Variants in IL17RC observed in about 807,000 individuals in gnomAD.
IL17RC encodes the protein interleukin-17 receptor C.
IL17RC carries 53 observed loss-of-function variants against 86.7 expected under a neutral mutation model. The observed-to-expected ratio is 0.61, with a 90% CI of 0.49 to 0.77. IL17RC has a LOEUF of 0.77. Among genes scored for constraint, IL17RC ranks in the 30% least tolerant of loss-of-function variants. IL17RC has a pLI of 0.00. For missense variants in IL17RC, 957 were observed against 940.0 expected (o/e 1.02, Z -0.24); for synonymous variants, 439 against 413.1 (o/e 1.06, Z -0.76).
intron 9 of IL17RC, among the ~76,000 whole-genome samples, chr3:9,927,062 C>T (rs551046672): frequency 1.3e-5 from 2 of 152,346 alleles, no homozygotes; most frequent in African/African-American, 4.8e-5. Context: ...TTGCCAAACA[C>T]AGTGCCTGCC....
At chr3:9,923,561 A>AG (rs1257053937) in intron 7 of IL17RC, among the ~76,000 whole-genome samples, 2 of 151,938 alleles carry the variant, frequency 1.3e-5, no homozygotes, top group Admixed American at 1.3e-4. Flanking sequence ...AAAAAAAAAA[A>AG]GGACACAAGT....
At position 9,924,305 on chromosome 3, in the gene IL17RC, C is replaced by T. The variant is rs771027142; in HGVS notation, c.822+14C>T. 3.1e-6 allele frequency: 5 copies of T among 1,613,170 alleles called. No homozygotes were observed. The South Asian group carries it at 5.5e-5, about 18-fold the overall frequency. On this transcript the variant is annotated intron_variant, in intron 9 of 18. Coordinates refer to ENST00000403601, the MANE Select transcript of IL17RC (RefSeq NM_153460.4). ...CTCTGTATTCAGGTAGGAGCAGAGTCTAGCTGGGTGCCAGAAGAGGAGTGG... is the reference window on the plus strand; with the variant it reads ...CTCTGTATTCAGGTAGGAGCAGAGTTTAGCTGGGTGCCAGAAGAGGAGTGG...
chr3:9,923,195 A>C (rs1278286541), intron 7 of IL17RC, among the ~76,000 whole-genome samples: 1 of 150,608 alleles, frequency 6.6e-6, no homozygotes, highest in Non-Finnish European at 1.5e-5. Flanking sequence ...AAAAAGGAAA[A>C]AAAAAAGAGA....
At position 9,917,708 on chromosome 3, in the gene IL17RC, C is replaced by T; in HGVS notation, c.106-5C>T. ...AATTCTGACTCTCCTTTCTTTCCTT[C>T]CCAGGGCCTCTCCTGCCGCCTCTGG... On this transcript the variant is annotated splice_polypyrimidine_tract_variant and splice_region_variant and intron_variant, in intron 1 of 18. Coordinates refer to ENST00000403601, the MANE Select transcript of IL17RC (RefSeq NM_153460.4). The T allele has an allele frequency of 1.2e-6, 2 of 1,613,778 alleles. No individual in the cohort carries two copies. The highest frequency in any genetic ancestry group is 8.5e-7 in the Non-Finnish European group (1 of 1,180,024).
At chr3:9,920,468 C>G (rs747120735) in intron 5 of IL17RC, 23 bp from the exon 6 acceptor site, 2 of 1,494,146 alleles carry the variant, frequency 1.3e-6, no homozygotes, top group Non-Finnish European at 1.8e-6. Context: ...CACCGCCAGC[C>G]TTCCTCACCC....
At chr3:9,928,521 G>A in intron 11 of IL17RC, 35 bp downstream of exon 11, 1 of 1,613,770 alleles carries the variant, frequency 6.2e-7, no homozygotes, top group Non-Finnish European at 8.5e-7. Context: ...CGTGGTGAGG[G>A]GAGAGTGGGG....
At chr3:9,925,477 C>T (rs2083974080) in intron 9 of IL17RC, among the ~76,000 whole-genome samples, 1 of 152,058 alleles carries the variant, frequency 6.6e-6, no homozygotes, top group African/African-American at 2.4e-5. Context: ...ATTAATGTCT[C>T]TCATTTTCTT....
chr3:9,919,161 TG>T (rs2083341497), intron 5 of IL17RC: 1 of 152,178 alleles, frequency 6.6e-6, no homozygotes, highest in African/African-American at 2.4e-5. Flanking sequence ...CAAGCATAAG[TG>T]TTGTAATTGT....
chr3:9,932,909 T>C, intron 18 of IL17RC, 44 bp from the exon 19 acceptor site: 1 of 1,607,686 alleles, frequency 6.2e-7, no homozygotes, highest in Admixed American at 1.7e-5. Flanking sequence ...GAGCCAGGCC[T>C]GTGCCAGCTC....
intron 9 of IL17RC, 55 bp from the exon 10 acceptor site, chr3:9,928,111 G>A (rs1488840670): frequency 2.6e-6 from 4 of 1,556,708 alleles, no homozygotes; most frequent in Non-Finnish European, 1.8e-6. Flanking sequence ...GTCCAGCAGA[G>A]GGCCAGGCAC....
At chr3:9,919,621 G>A (rs2083385665) in intron 5 of IL17RC, among the ~76,000 whole-genome samples, 1 of 152,086 alleles carries the variant, frequency 6.6e-6, no homozygotes, top group African/African-American at 2.4e-5. Flanking sequence ...ACTCCAGCCT[G>A]GGCGACAGAG....
Position 9,930,558 on chromosome 3 carries a change from C to T in IL17RC, c.1338+99C>T. ...CTATTTAGGCTTATTTTATGTTCAG[C>T]CCTGGGAAAGTTAAGAGTAGAAGAA... On this transcript the variant is annotated intron_variant, in intron 15 of 18. Coordinates refer to ENST00000403601, the MANE Select transcript of IL17RC (RefSeq NM_153460.4). The surrounding 1 kb of genome is among the most constrained non-coding windows in gnomAD (Gnocchi z 5.8). 1.6e-6 allele frequency: 2 copies of T among 1,239,824 alleles called. No homozygotes were observed. Among genetic ancestry groups the T allele is most frequent in the Non-Finnish European group, 2.3e-6 (2 of 869,184 alleles). The allele number at this position is 1,239,824 out of a possible 1,614,324, so 76.8% of individuals were successfully genotyped here. A position where few individuals can be genotyped will look rare whatever the true frequency, so the allele number is the denominator to read the frequency against.
At chr3:9,932,544 T>C in intron 16 of IL17RC, 64 bp from the exon 17 acceptor site, 1 of 1,439,472 alleles carries the variant, frequency 6.9e-7, no homozygotes, top group African/African-American at 1.4e-5. Context: ...TCATTTCTGT[T>C]AAGTCTCAGT....
rs2084935507 is a variant in IL17RC, at chr3:9,933,065, C to T, written c.1635C>T (p.Ala545=). ...SALCQLPLRV[A]VDLWSRRELS... ...TGTGCCAGCTGCCGCTGCGCGTGGC[C>T]GTAGACCTGTGGAGCCGTCGTGAAC... is the stretch of plus-strand genomic sequence containing the variant. Residue 545 remains alanine (A), a synonymous_variant, in exon 19 of 19, where the codon GCC becomes GCT. Transcript: ENST00000403601. The T allele has an allele frequency of 6.4e-7, 1 of 1,553,862 alleles. No individual in the cohort carries two copies. Among genetic ancestry groups the T allele is most frequent in the African/African-American group, 1.4e-5 (1 of 73,366 alleles).
Position 9,918,336 on chromosome 3 carries a change from G to A in IL17RC, c.282G>A (p.Gly94=), listed in dbSNP as rs1462523539. 2 of 1,585,930 alleles carry A rather than the reference G, an allele frequency of 1.3e-6. No individual in the cohort carries two copies. Among genetic ancestry groups the A allele is most frequent in the South Asian group, 1.1e-5 (1 of 87,372 alleles). Residue 94 remains glycine (G), a splice_region_variant and synonymous_variant, in exon 4 of 19, where the codon GGG becomes GGA. Coordinates refer to ENST00000403601, the MANE Select transcript of IL17RC (RefSeq NM_153460.4). The part of the protein sequence containing the change: ...LRVAVHLAVH[G]HWEEPEDEEK... Reference sequence around the variant, plus strand: ...GGCCTTGCTCTTGGGTCCTTCTAGGGCACTGGGAAGAGCCTGAAGATGAGG... The same window carrying A: ...GGCCTTGCTCTTGGGTCCTTCTAGGACACTGGGAAGAGCCTGAAGATGAGG...
intron 5 of IL17RC, 116 bp downstream of exon 5, chr3:9,918,725 G>C: frequency 1.4e-6 from 1 of 702,784 alleles, no homozygotes; most frequent in Non-Finnish European, 2.5e-6. Context: ...TTCAGTACCA[G>C]GCATTACAGC....
chr3:9,926,686 G>C (rs2125232985), intron 9 of IL17RC, among the ~76,000 whole-genome samples: 1 of 151,830 alleles, frequency 6.6e-6, no homozygotes, highest in South Asian at 2.1e-4. Context: ...ACAGTGGCGT[G>C]ATCTCGGCTC....
At chr3:9,928,536 G>C (rs373590965) in intron 11 of IL17RC, 44 bp from the exon 12 acceptor site, 1 of 1,612,374 alleles carries the variant, frequency 6.2e-7, no homozygotes, top group Admixed American at 1.7e-5. Flanking sequence ...GTGGGGAACC[G>C]GGGGTCCCCT....
chr3:9,917,434 C>A lies in IL17RC; in HGVS notation c.105+14C>A, dbSNP rs1347556630. On this transcript the variant is annotated intron_variant, in intron 1 of 18. Coordinates refer to ENST00000403601, the MANE Select transcript of IL17RC (RefSeq NM_153460.4). ...CACTGCTCTCCGGTGAGTCTGGAAC[C>A]CTGGGGAGACGAGGAAAGGCTCAGG... is the stretch of plus-strand genomic sequence containing the variant. The A allele has an allele frequency of 4.3e-6, 7 of 1,614,176 alleles. No homozygotes were observed. The highest frequency in any genetic ancestry group is 4.5e-5 in the East Asian group (2 of 44,868).
Sources: gnomAD v4.1 joint callset for allele counts (sites outside exome capture counted in the v4.1 genomes callset) on GRCh38, gnomAD v4.1.1 for gene constraint, Gnocchi (gnomAD v3.1) non-coding constraint, MANE v1.5 for transcripts, NCBI Gene and HGNC (gene_info 2026-07-23, HGNC 2026-07-21) for gene names.